RAPGEF2: variants seen among roughly 807,000 people sequenced by gnomAD.
RAPGEF2 encodes the protein PDZ domain containing guanine nucleotide exchange factor (GEF) 1.
Under a neutral mutation model 186.7 loss-of-function variants are expected in RAPGEF2, and 54 were observed. That is an observed-to-expected ratio of 0.29 (90% CI 0.23 to 0.36). The LOEUF is 0.36. RAPGEF2 is among the 10% of genes least tolerant of loss of function. The probability of loss-of-function intolerance (pLI) is 1.00; values close to 1 mark genes in which losing one functional copy is unlikely to be tolerated. For synonymous variants in RAPGEF2, 712 were observed against 705.9 expected, an observed-to-expected ratio of 1.01 and a Z score of -0.14; for missense variants, 1,532 against 2,045.0, an observed-to-expected ratio of 0.75 and a Z score of 4.84.
chr4:159,262,992 T>C (rs955730761), intron 7 of RAPGEF2, among the ~76,000 whole-genome samples: 3 of 152,200 alleles, frequency 2.0e-5, no homozygotes, highest in Non-Finnish European at 4.4e-5. Context: ...GCATTTCCTA[T>C]GTGTCAGCCA....
chr4:159,343,507 T>C (rs1163573294), intron 22 of RAPGEF2, 103 bp downstream of exon 22: 30 of 1,443,270 alleles, frequency 2.1e-5, no homozygotes, highest in Non-Finnish European at 2.6e-5. Context: ...ATATTTGTAG[T>C]ACGGCAGAAA....
chr4:159,266,411 T>C (rs899473447), intron 7 of RAPGEF2, among the ~76,000 whole-genome samples: 28 of 152,198 alleles, frequency 1.8e-4, no homozygotes, highest in Non-Finnish European at 3.8e-4. Context: ...ATAAACCTGA[T>C]TGTGAAAAGC....
intron 7 of RAPGEF2, among the ~76,000 whole-genome samples, chr4:159,251,198 G>A (rs1370742688): frequency 2.0e-5 from 3 of 152,210 alleles, no homozygotes; most frequent in East Asian, 1.9e-4. Context: ...CCTGCAGCCC[G>A]CCATGTCCGA....
At chr4:159,145,021 T>G (rs1323043137) in intron 1 of RAPGEF2, among the ~76,000 whole-genome samples, 2 of 151,026 alleles carry the variant, frequency 1.3e-5, no homozygotes, top group African/African-American at 4.9e-5. Context: ...CCCAAGAAGC[T>G]GGAACTGCAG....
intron 25 of RAPGEF2, 71 bp downstream of exon 25, chr4:159,347,069 T>C (rs374339957): frequency 3.9e-5 from 53 of 1,374,422 alleles, no homozygotes; most frequent in East Asian, 3.2e-4. Context: ...GAAAAAAATA[T>C]TTGTCTTGGA....
intron 1 of RAPGEF2, among the ~76,000 whole-genome samples, chr4:159,160,050 C>A (rs78617024): frequency 6.6e-6 from 1 of 152,226 alleles, no homozygotes; most frequent in Admixed American, 6.5e-5. Flanking sequence ...TGGACACTTA[C>A]ATAGTTGTTT....
intron 1 of RAPGEF2, among the ~76,000 whole-genome samples, chr4:159,134,336 A>G (rs781376948): frequency 2.6e-5 from 4 of 152,190 alleles, no homozygotes; most frequent in Non-Finnish European, 4.4e-5. Flanking sequence ...TTATTGCTGA[A>G]TAGTATTTCA....
rs114779235 is a variant in RAPGEF2 at position 159,176,816 on chromosome 4, G to A, written c.70-9826G>A. Among the ~76,000 whole-genome samples, 1,091 of 152,294 alleles carry A rather than the reference G, an allele frequency of 7.2e-3. 10 individuals carry two copies. Among genetic ancestry groups the A allele is most frequent in the African/African-American group, 0.025 (1,039 of 41,550 alleles). On this transcript the variant is annotated intron_variant, in intron 1 of 29. Coordinates refer to ENST00000691494, the MANE Select transcript of RAPGEF2 (RefSeq NM_001394067.2). The stretch of plus-strand genomic sequence containing the variant: ...GGAATGTTTTAAAGGTAGAAAGTCT[G>A]TAGGTCCAAATGTTAATGGAATGCA...
At chr4:159,252,145 C>T (rs74689961) in intron 7 of RAPGEF2, among the ~76,000 whole-genome samples, 2,109 of 152,248 alleles carry the variant, frequency 0.014, 18 homozygotes, top group Middle Eastern at 0.068. Flanking sequence ...AGACACAACT[C>T]CACTTTTCAG....
chr4:159,237,168 G>T (rs995404605), intron 4 of RAPGEF2, among the ~76,000 whole-genome samples: 1 of 151,980 alleles, frequency 6.6e-6, no homozygotes, highest in South Asian at 2.1e-4. Flanking sequence ...CTACAGGCTT[G>T]TACCACCATG....
chr4:159,348,242 A>AGATAGATAGATAGATGGATGGATG (rs544061786), intron 25 of RAPGEF2, among the ~76,000 whole-genome samples: 18 of 144,954 alleles, frequency 1.2e-4, no homozygotes, highest in African/African-American at 5.0e-4. Flanking sequence ...ATAGATAGAT[A>AGATAGATAGATAGATGGATGGATG]GATGGATGGA....
At chr4:159,288,942 C>T (rs1428813909) in intron 7 of RAPGEF2, among the ~76,000 whole-genome samples, 1 of 152,178 alleles carries the variant, frequency 6.6e-6, no homozygotes, top group Non-Finnish European at 1.5e-5. Flanking sequence ...CTCAGAGCAG[C>T]CTTCTCAGAT....
chr4:159,222,288 C>T (rs1751619057), intron 4 of RAPGEF2, among the ~76,000 whole-genome samples: 1 of 152,128 alleles, frequency 6.6e-6, no homozygotes, highest in South Asian at 2.1e-4. Context: ...CTTTGGAACA[C>T]TGGGATTGGT....
chr4:159,339,064 C>A, intron 18 of RAPGEF2, 50 bp from the exon 19 acceptor site: 1 of 1,574,368 alleles, frequency 6.4e-7, no homozygotes, highest in Non-Finnish European at 8.6e-7. Flanking sequence ...ATTGCATTGC[C>A]ATATATTAAA....
chr4:159,138,684 C>T (rs562278326), intron 1 of RAPGEF2, among the ~76,000 whole-genome samples: 2 of 152,216 alleles, frequency 1.3e-5, no homozygotes, highest in East Asian at 3.9e-4. Context: ...ATGATGTAGA[C>T]AAGATAATTT....
At chr4:159,295,297 C>T (rs1761802590) in intron 7 of RAPGEF2, among the ~76,000 whole-genome samples, 1 of 151,956 alleles carries the variant, frequency 6.6e-6, no homozygotes, top group African/African-American at 2.4e-5. Flanking sequence ...TTTGGAATCT[C>T]CCAAAGGGAT....
Position 159,130,632 on chromosome 4 carries a change from G to C in RAPGEF2, c.69+26401G>C, listed in dbSNP as rs561215989. Among the ~76,000 whole-genome samples, 30 of 152,178 alleles carry C rather than the reference G, an allele frequency of 2.0e-4. No individual in the cohort carries two copies. In the East Asian group the frequency reaches 5.8e-3, roughly 29 times the overall value. The stretch of plus-strand genomic sequence containing the variant: ...TTAAACAATTAGAGTTAGTAGAGTA[G>C]GACTGGAAGGGCTTCTTTTAATTTA... On this transcript the variant is annotated intron_variant, in intron 1 of 29. Coordinates refer to ENST00000691494, the MANE Select transcript of RAPGEF2 (RefSeq NM_001394067.2).
intron 5 of RAPGEF2, 90 bp from the exon 6 acceptor site, chr4:159,241,110 AT>A (rs1272742597): frequency 1.9e-6 from 2 of 1,071,356 alleles, no homozygotes; most frequent in Non-Finnish European, 1.3e-6. Flanking sequence ...AGATGATTGA[AT>A]ATGGGTTATC....
intron 7 of RAPGEF2, among the ~76,000 whole-genome samples, chr4:159,251,020 G>A (rs999575698): frequency 2.0e-5 from 3 of 152,200 alleles, no homozygotes; most frequent in Non-Finnish European, 2.9e-5. Context: ...ACTCAGAGTG[G>A]CCCGCCGGTG....
Sources: allele counts gnomAD v4.1 joint callset (sites outside exome capture counted in the v4.1 genomes callset), GRCh38; gene constraint gnomAD v4.1.1; transcripts MANE v1.5; gene names NCBI Gene and HGNC (gene_info 2026-07-23, HGNC 2026-07-21).